Variants in RUNX1 observed in about 807,000 individuals in gnomAD.
RUNX1 encodes RUNX family transcription factor 1.
RUNX1 carries 19 observed loss-of-function variants against 42.8 expected under a neutral mutation model. The observed-to-expected ratio is 0.44, with a 90% confidence interval of 0.31 to 0.65. RUNX1 has a LOEUF of 0.65. Among genes scored for constraint, RUNX1 ranks in the 30% least tolerant of loss-of-function variants. The probability of loss-of-function intolerance (pLI) is 0.07; values close to 1 mark genes in which losing one functional copy is unlikely to be tolerated. For synonymous variants in RUNX1, 271 were observed against 289.4 expected (o/e 0.94, Z 0.64); for missense variants, 528 against 672.0 (o/e 0.79, Z 2.37).
intron 2 of RUNX1, among the ~76,000 whole-genome samples, chr21:34,970,181 G>T (rs1180841273): frequency 6.6e-6 from 1 of 152,178 alleles, no homozygotes; most frequent in Non-Finnish European, 1.5e-5. Flanking sequence ...GCTTTAGAAA[G>T]GTCTCTTTTC....
chr21:34,795,532 A>T (rs1022759298), intron 8 of RUNX1, among the ~76,000 whole-genome samples: 1 of 152,222 alleles, frequency 6.6e-6, no homozygotes, highest in African/African-American at 2.4e-5. Context: ...TTCACTAATG[A>T]GGAAACCAGG....
Position 34,834,612 on chromosome 21 carries a change from G to C in RUNX1, c.614-11C>G, listed in dbSNP as rs766432660. The C allele has an allele frequency of 1.3e-6, 2 of 1,577,454 alleles. No homozygotes were observed. The highest frequency in any genetic ancestry group is 1.4e-5 in the African/African-American group (1 of 73,950). On this transcript the variant is annotated splice_polypyrimidine_tract_variant and intron_variant, in intron 6 of 8. Transcript: ENST00000675419. ...GTTTCTGCCGATGTCCTATTGTGGG[G>C]AGCAGGGAGGGGAGGGGATGGGGGG...
At chr21:34,874,309 A>G (rs543604191) in intron 5 of RUNX1, among the ~76,000 whole-genome samples, 2 of 152,158 alleles carry the variant, frequency 1.3e-5, no homozygotes, top group South Asian at 4.1e-4. Context: ...GAAAGAAAAC[A>G]GCCTTAAGAC....
Position 35,049,166 on chromosome 21 carries a change from A to C in RUNX1, c.-60+2T>G. Reference sequence around the variant, plus strand: ...CCTTGGCTGTGGGTTGGTGATGCTCACCACGCTGCGAAACCCTGTGGTTTG... The same window carrying C: ...CCTTGGCTGTGGGTTGGTGATGCTCCCCACGCTGCGAAACCCTGTGGTTTG... On this transcript the variant is annotated splice_donor_variant, in intron 1 of 8. Coordinates refer to ENST00000675419, the MANE Select transcript of RUNX1 (RefSeq NM_001754.5). LOFTEE classifies it low-confidence loss of function (5UTR_SPLICE). 2.1e-6 allele frequency: 1 copy of C among 479,328 alleles called. No individual in the cohort carries two copies. The highest frequency in any genetic ancestry group is 3.8e-6 in the Non-Finnish European group (1 of 263,922). The allele number at this position is 479,328 out of a possible 1,614,324, so 29.7% of individuals were successfully genotyped here. A position where few individuals can be genotyped will look rare whatever the true frequency, so the allele number is the denominator to read the frequency against.
intron 5 of RUNX1, among the ~76,000 whole-genome samples, chr21:34,877,935 AC>A (rs2057838115): frequency 6.6e-6 from 1 of 152,192 alleles, no homozygotes; most frequent in Non-Finnish European, 1.5e-5. Context: ...CAAAATTGGC[AC>A]TGAAAGTTTG....
intron 2 of RUNX1, among the ~76,000 whole-genome samples, chr21:35,040,112 C>A (rs2059346572): frequency 6.6e-6 from 1 of 152,176 alleles, no homozygotes; most frequent in South Asian, 2.1e-4. Flanking sequence ...TTTATGAATT[C>A]TATACTTTCA....
chr21:34,937,864 T>C (rs1377298416), intron 2 of RUNX1, among the ~76,000 whole-genome samples: 3 of 152,190 alleles, frequency 2.0e-5, no homozygotes, highest in Non-Finnish European at 4.4e-5. Flanking sequence ...CTAAAATTGT[T>C]TTCTCTTTGA....
At chr21:35,005,050 C>T (rs976224110) in intron 2 of RUNX1, among the ~76,000 whole-genome samples, 1 of 152,170 alleles carries the variant, frequency 6.6e-6, no homozygotes, top group Non-Finnish European at 1.5e-5. Flanking sequence ...ACCACAAAAA[C>T]TGCTGTCACC....
chr21:34,888,498 G>A, intron 3 of RUNX1: 2 of 1,065,836 alleles, frequency 1.9e-6, no homozygotes, highest in Non-Finnish European at 2.3e-6. Context: ...GGAAGAAAGG[G>A]GAAAAACAAA....
chr21:34,814,686 C>T (rs1203886801), intron 7 of RUNX1, among the ~76,000 whole-genome samples: 2 of 152,164 alleles, frequency 1.3e-5, no homozygotes, highest in African/African-American at 2.4e-5. Context: ...CCCTGGGGCA[C>T]AGGCTGTTTA....
intron 7 of RUNX1, chr21:34,833,314 C>T (rs1201867660): frequency 1.3e-5 from 2 of 152,242 alleles, no homozygotes; most frequent in Admixed American, 1.3e-4. Flanking sequence ...CCATGTTAGC[C>T]AGGATGGTCT....
rs200907577 is a variant in RUNX1 at position 34,880,573 on chromosome 21, G to A, written c.492C>T (p.Val164=). 5.1e-5 allele frequency: 83 copies of A among 1,613,916 alleles called. No individual in the cohort carries two copies. The highest frequency in any genetic ancestry group is 4.5e-5 in the East Asian group (2 of 44,888). ...QVARFNDLRF[V]GRSGRGKSFT... ...ATAACGTACCTCTTCCACTTCGACC[G>A]ACAAACCTGAGGTCATTAAATCTTG... The change falls in exon 5 of 9, where the codon GTC becomes GTT. Residue 164 remains valine, a synonymous_variant. Transcript: ENST00000675419.
At chr21:34,875,011 G>C (rs2057794017) in intron 5 of RUNX1, among the ~76,000 whole-genome samples, 1 of 152,202 alleles carries the variant, frequency 6.6e-6, no homozygotes, top group African/African-American at 2.4e-5. Context: ...GAGAAGTACA[G>C]CTTCTGCCCA....
intron 8 of RUNX1, among the ~76,000 whole-genome samples, chr21:34,793,406 A>G (rs2056479015): frequency 6.6e-6 from 1 of 152,198 alleles, no homozygotes; most frequent in Non-Finnish European, 1.5e-5. Flanking sequence ...ACGTATATAA[A>G]ATGTTGATAT....
chr21:34,968,050 C>T (rs1287128060), intron 2 of RUNX1, among the ~76,000 whole-genome samples: 1 of 152,206 alleles, frequency 6.6e-6, no homozygotes, highest in Non-Finnish European at 1.5e-5. Flanking sequence ...GCCCCAAACG[C>T]CCGATCCAGC....
In RUNX1 at chr21:34,887,018, C is replaced by T. The variant is rs1482518887; in HGVS notation, c.176G>A (p.Gly59Asp). 1 of 1,602,076 alleles carries T rather than the reference C, an allele frequency of 6.2e-7. No homozygotes were observed. The highest frequency in any genetic ancestry group is 8.5e-7 in the Non-Finnish European group (1 of 1,178,274). ...CAGGGCAGCGCCGGCGTCCGGGGCG[C>T]CCAGCGGCAACGCCTCGCTCATCTT... ...PGKMSEALPL[G>D]APDAGAALAG... Residue 59 changes from glycine (G) to aspartate (D), a missense_variant, in exon 4 of 9, where the codon GGC becomes GAC. By Grantham distance (94) the Gly-to-Asp change is moderately conservative. Transcript: ENST00000675419.
At chr21:34,989,247 G>A (rs1181459199) in intron 2 of RUNX1, among the ~76,000 whole-genome samples, 1 of 152,022 alleles carries the variant, frequency 6.6e-6, no homozygotes, top group Admixed American at 6.6e-5. Context: ...GGCCTCAGGT[G>A]ATCTGACTGT....
intron 2 of RUNX1, among the ~76,000 whole-genome samples, chr21:34,905,961 C>T (rs572937942): frequency 3.3e-5 from 5 of 152,144 alleles, no homozygotes; most frequent in Non-Finnish European, 7.4e-5. Context: ...CCTCACATAA[C>T]TCCTCTATAG....
chr21:34,837,218 A>G (rs928478920), intron 6 of RUNX1, among the ~76,000 whole-genome samples: 1 of 152,154 alleles, frequency 6.6e-6, no homozygotes, highest in Non-Finnish European at 1.5e-5. Flanking sequence ...TGGGAGTCTC[A>G]GGGCTGAGTT....
Sources: allele counts gnomAD v4.1 joint callset (sites outside exome capture counted in the v4.1 genomes callset), GRCh38; gene constraint gnomAD v4.1.1; transcripts MANE v1.5; gene names NCBI Gene and HGNC (gene_info 2026-07-23, HGNC 2026-07-21).